The following SCG5 variants were observed in gnomAD, a reference collection of about 807,000 sequenced individuals.
The protein encoded by SCG5 is secretogranin V.
Under a neutral mutation model 25.7 loss-of-function variants are expected in SCG5, and 18 were observed. The observed-to-expected ratio is 0.70, with a 90% CI of 0.48 to 1.04. The LOEUF is 1.04. Among genes scored for constraint, SCG5 ranks in the 50% least tolerant of loss-of-function variants. The pLI is 0.00. For missense variants in SCG5, 206 were observed against 259.8 expected (o/e 0.79, Z 1.42); for synonymous variants, 101 against 91.7 (o/e 1.10, Z -0.58).
At chr15:32,682,103 G>A (rs1002667434) in intron 3 of SCG5, among the ~76,000 whole-genome samples, 1 of 152,168 alleles carries the variant, frequency 6.6e-6, no homozygotes, top group Non-Finnish European at 1.5e-5. Flanking sequence ...TCCATTGGAT[G>A]TGGTACAGTG....
intron 2 of SCG5, among the ~76,000 whole-genome samples, chr15:32,646,218 A>G (rs1364799459): frequency 6.6e-6 from 1 of 152,258 alleles, no homozygotes; most frequent in Non-Finnish European, 1.5e-5. Context: ...CCACAAATTT[A>G]GCAGTTTCAC....
At chr15:32,691,650 A>G in intron 4 of SCG5, 60 bp from the exon 5 acceptor site, 3 of 1,334,460 alleles carry the variant, frequency 2.2e-6, no homozygotes, top group South Asian at 1.3e-5. Flanking sequence ...TTTAAAATAG[A>G]CATTCACCAA....
chr15:32,644,442 A>G (rs968705467), intron 2 of SCG5, among the ~76,000 whole-genome samples: 1 of 152,184 alleles, frequency 6.6e-6, no homozygotes, highest in African/African-American at 2.4e-5. Context: ...ATTAAGAATA[A>G]TTAAATCGTT....
intron 2 of SCG5, among the ~76,000 whole-genome samples, chr15:32,676,900 A>G (rs2140564252): frequency 6.6e-6 from 1 of 152,334 alleles, no homozygotes; most frequent in Middle Eastern, 3.4e-3. Context: ...AAATAAGAGA[A>G]TGACAGTCAC....
intron 1 of SCG5, among the ~76,000 whole-genome samples, 167 bp downstream of exon 1, chr15:32,641,945 C>A (rs1052239747): frequency 2.0e-5 from 3 of 152,068 alleles, no homozygotes; most frequent in Non-Finnish European, 2.9e-5. Flanking sequence ...GAAGGGAGTA[C>A]TGAGGGAGGA....
chr15:32,675,339 A>G (rs774606890), intron 2 of SCG5, among the ~76,000 whole-genome samples: 23 of 152,222 alleles, frequency 1.5e-4, no homozygotes, highest in Non-Finnish European at 4.4e-5. Flanking sequence ...GTGCACTGCT[A>G]GAAATCTTAT....
chr15:32,670,996 C>T (rs932485493), intron 2 of SCG5, among the ~76,000 whole-genome samples: 1 of 152,158 alleles, frequency 6.6e-6, no homozygotes, highest in Non-Finnish European at 1.5e-5. Flanking sequence ...TCATGGAGTG[C>T]TTATTACATA....
At chr15:32,675,600 C>G (rs952551455) in intron 2 of SCG5, among the ~76,000 whole-genome samples, 18 of 152,208 alleles carry the variant, frequency 1.2e-4, no homozygotes, top group African/African-American at 4.1e-4. Flanking sequence ...AGAACAGGAA[C>G]TATGTCTTTC....
chr15:32,691,106 C>G (rs1285784357), intron 4 of SCG5, among the ~76,000 whole-genome samples: 1 of 152,152 alleles, frequency 6.6e-6, no homozygotes, highest in Non-Finnish European at 1.5e-5. Context: ...ACTGTGGTAA[C>G]AGAGCCCTGC....
intron 5 of SCG5, among the ~76,000 whole-genome samples, 185 bp from the exon 6 acceptor site, chr15:32,696,329 G>A (rs971727352): frequency 6.6e-6 from 1 of 152,132 alleles, no homozygotes; most frequent in African/African-American, 2.4e-5. Flanking sequence ...GTGTTAGCCA[G>A]GATGGTCTCG....
At chr15:32,646,378 A>C (rs1362755668) in intron 2 of SCG5, among the ~76,000 whole-genome samples, 1 of 152,176 alleles carries the variant, frequency 6.6e-6, no homozygotes, top group Non-Finnish European at 1.5e-5. Flanking sequence ...TTTGAATTAT[A>C]TTGTAGGACT....
At chr15:32,696,425 G>T in intron 5 of SCG5, 89 bp from the exon 6 acceptor site, 8 of 996,770 alleles carry the variant, frequency 8.0e-6, no homozygotes, top group Middle Eastern at 2.1e-4. Context: ...CCCCAGAAAC[G>T]ATTCTTGTTC....
chr15:32,674,114 A>G (rs1479523852), intron 2 of SCG5, among the ~76,000 whole-genome samples: 3 of 152,228 alleles, frequency 2.0e-5, no homozygotes, highest in African/African-American at 7.2e-5. Context: ...TAATAGTCCC[A>G]AATTATCAAG....
At chr15:32,683,380 T>G (rs1370464989) in intron 3 of SCG5, among the ~76,000 whole-genome samples, 1 of 152,180 alleles carries the variant, frequency 6.6e-6, no homozygotes, top group Admixed American at 6.5e-5. Context: ...TTGTCTAAAA[T>G]ATATTAGACA....
At chr15:32,670,565 A>G (rs911484410) in intron 2 of SCG5, among the ~76,000 whole-genome samples, 2 of 152,240 alleles carry the variant, frequency 1.3e-5, no homozygotes, top group Admixed American at 6.5e-5. Context: ...ACTAGGGAGG[A>G]GAGCTGAGGT....
chr15:32,657,209 A>ATATATATATATATGTATG lies in SCG5; in HGVS notation c.226+13394_226+13395insATATATATATGTATGTAT. On this transcript the variant is annotated intron_variant, in intron 2 of 5. Coordinates refer to ENST00000300175, the MANE Select transcript of SCG5 (RefSeq NM_001144757.3). ...TTCTTTCATCCTCCTGTATATATAT[A>ATATATATATATATGTATG]TATGTATGTATTTCCAGGTGTAAGT... is the stretch of plus-strand genomic sequence containing the variant. 5.9e-3 allele frequency among the ~76,000 whole-genome samples: 228 copies of ATATATATATATATGTATG among 38,656 alleles called. 64 individuals carry two copies. Among genetic ancestry groups the ATATATATATATATGTATG allele is most frequent in the Non-Finnish European group, 0.012 (174 of 14,090 alleles). 25.4% of individuals were successfully genotyped at this position (38,656 alleles called of 152,430 possible).
intron 2 of SCG5, among the ~76,000 whole-genome samples, chr15:32,644,134 T>C (rs1291532394): frequency 6.6e-6 from 1 of 152,200 alleles, no homozygotes; most frequent in Admixed American, 6.5e-5. Context: ...AATTAATGTT[T>C]GTTGAATGAA....
intron 2 of SCG5, among the ~76,000 whole-genome samples, chr15:32,657,913 A>T (rs947087840): frequency 3.1e-4 from 47 of 152,218 alleles, no homozygotes; most frequent in Non-Finnish European, 6.2e-4. Flanking sequence ...GTGAAGGTTA[A>T]ACTCTGACCA....
intron 2 of SCG5, among the ~76,000 whole-genome samples, chr15:32,659,152 G>T (rs1162598795): frequency 6.6e-6 from 1 of 151,988 alleles, no homozygotes; most frequent in African/African-American, 2.4e-5. Flanking sequence ...CTCCAGCCTG[G>T]GCGACAGAGC....
Sources: allele counts gnomAD v4.1 joint callset (sites outside exome capture counted in the v4.1 genomes callset), GRCh38; gene constraint gnomAD v4.1.1; transcripts MANE v1.5; gene names NCBI Gene and HGNC (gene_info 2026-07-23, HGNC 2026-07-21).